Variants in THOP1 observed in about 807,000 individuals in gnomAD.
The protein encoded by THOP1 is thimet oligopeptidase 1, also known as thimet oligopeptidase.
A neutral mutation model predicts 71.8 loss-of-function variants in THOP1; 49 were observed. The observed-to-expected ratio is 0.68, with a 90% CI of 0.54 to 0.87. The LOEUF is 0.87. Among genes scored for constraint, THOP1 ranks in the 40% least tolerant of loss-of-function variants. THOP1 has a pLI of 0.00. For missense variants in THOP1, 843 were observed against 975.6 expected (o/e 0.86, Z 1.81); for synonymous variants, 426 against 421.5 (o/e 1.01, Z -0.13).
intron 2 of THOP1, among the ~76,000 whole-genome samples, chr19:2,793,578 T>C (rs943106579): frequency 6.6e-6 from 1 of 152,062 alleles, no homozygotes; most frequent in African/African-American, 2.4e-5. Context: ...TAATCCCAGC[T>C]ACTCGGGAGG....
chr19:2,811,178 C>T (rs900699616), intron 11 of THOP1, among the ~76,000 whole-genome samples: 5 of 152,316 alleles, frequency 3.3e-5, no homozygotes, highest in African/African-American at 9.6e-5. Flanking sequence ...CACACGCTTG[C>T]GAGGATCCAG....
At position 2,813,184 on chromosome 19, in the gene THOP1, C is replaced by T. The variant is rs150576351; in HGVS notation, c.1978C>T (p.Arg660Cys). 23 of 1,612,290 alleles carry T rather than the reference C, an allele frequency of 1.4e-5. No homozygotes were observed. The highest frequency in any genetic ancestry group is 1.9e-5 in the Non-Finnish European group (23 of 1,179,742). Residue 660 changes from arginine to cysteine, a missense_variant, in exon 13 of 13, where the codon CGC becomes TGC. Arg to Cys is a radical substitution (Grantham distance 180, BLOSUM62 -3). Transcript: ENST00000307741. Reference sequence around the variant, plus strand: ...CGAGGATGCCAGCGCCATGCTGAGGCGCTTCCTGGGCCGTGACCCCAAGCA... The same window carrying T: ...CGAGGATGCCAGCGCCATGCTGAGGTGCTTCCTGGGCCGTGACCCCAAGCA... ...GSEDASAMLR[R>C]FLGRDPKQDA...
At chr19:2,807,981 C>G (rs1916352244) in intron 8 of THOP1, 173 bp downstream of exon 8, 2 of 861,204 alleles carry the variant, frequency 2.3e-6, no homozygotes, top group Non-Finnish European at 3.4e-6. Flanking sequence ...TGCAGCTGTC[C>G]CCGTTTCCAG....
At position 2,794,811 on chromosome 19, in the gene THOP1, G is replaced by A. The variant is rs760491954; in HGVS notation, c.277G>A (p.Asp93Asn). 8.1e-6 allele frequency: 13 copies of A among 1,613,828 alleles called. No individual in the cohort carries two copies. The highest frequency in any genetic ancestry group is 2.2e-5 in the East Asian group (1 of 44,896). Reference sequence around the variant, plus strand: ...CCCCCAGCATGTTTCCCCCTCCAAGGACATCCGGACAGCCAGCACAGAGGC... The same window carrying A: ...CCCCCAGCATGTTTCCCCCTCCAAGAACATCCGGACAGCCAGCACAGAGGC... ...DFPQHVSPSK[D>N]IRTASTEADK... The change falls in exon 3 of 13, where the codon GAC becomes AAC. Residue 93 changes from aspartate to asparagine, a missense_variant. Physicochemically the swap from Asp to Asn is conservative, Grantham distance 23. Transcript: ENST00000307741.
At position 2,791,152 on chromosome 19, in the gene THOP1, T is replaced by A. The variant is rs921656968; in HGVS notation, c.229+519T>A. 3.3e-5 allele frequency among the ~76,000 whole-genome samples: 5 copies of A among 152,282 alleles called. No homozygotes were observed. In the South Asian group the frequency reaches 1.0e-3, roughly 32 times the overall value. On this transcript the variant is annotated intron_variant, in intron 2 of 12. Transcript: ENST00000307741. ...ATGTCCTCGGGCGTCCTCCTCACCCTCAGCCCGATCCTCCTCCTCTCCTTG... is the reference window on the plus strand; with the variant it reads ...ATGTCCTCGGGCGTCCTCCTCACCCACAGCCCGATCCTCCTCCTCTCCTTG...
intron 5 of THOP1, among the ~76,000 whole-genome samples, chr19:2,803,101 G>A (rs182449055): frequency 4.6e-5 from 7 of 152,310 alleles, no homozygotes; most frequent in East Asian, 1.9e-4. Flanking sequence ...TCGCAGGCTC[G>A]TCCCATGCTC....
intron 5 of THOP1, among the ~76,000 whole-genome samples, chr19:2,802,552 C>G: frequency 7.0e-6 from 1 of 143,546 alleles, no homozygotes; most frequent in Non-Finnish European, 1.5e-5. Flanking sequence ...CCTCCCGACA[C>G]CAACACCTTC....
At position 2,790,487 on chromosome 19, in the gene THOP1, T is replaced by C; in HGVS notation, c.83T>C (p.Leu28Pro). The C allele has an allele frequency of 6.2e-7, 1 of 1,605,816 alleles. No homozygotes were observed. The highest frequency in any genetic ancestry group is 1.3e-5 in the African/African-American group (1 of 74,782). ...CSVVNDLRWD[L>P]SAQQIEERTR... Reference sequence around the variant, plus strand: ...GTGGTAAACGACCTGCGGTGGGACCTGAGTGCCCAGCAGATAGAGGAGCGC... The same window carrying C: ...GTGGTAAACGACCTGCGGTGGGACCCGAGTGCCCAGCAGATAGAGGAGCGC... The change falls in exon 2 of 13, where the codon CTG becomes CCG. Residue 28 changes from leucine to proline, a missense_variant. Coordinates refer to ENST00000307741, the MANE Select transcript of THOP1 (RefSeq NM_003249.5).
rs544429896 is a variant in THOP1, at chr19:2,798,491, G to A, written c.487-1198G>A. ...GGAAAAGGTGCGAGGTCCGGATGCT[G>A]GCGAGCAGAGTTCCAGCGCGTCCCC... is the stretch of plus-strand genomic sequence containing the variant. On this transcript the variant is annotated intron_variant, in intron 4 of 12. Transcript: ENST00000307741. Among the ~76,000 whole-genome samples the A allele has an allele frequency of 1.9e-4, 29 of 152,336 alleles. No individual in the cohort carries two copies. In the East Asian group the frequency reaches 5.4e-3, roughly 28 times the overall value.
intron 2 of THOP1, among the ~76,000 whole-genome samples, chr19:2,791,378 T>G (rs1024238423): frequency 2.6e-5 from 4 of 151,054 alleles, no homozygotes; most frequent in African/African-American, 4.9e-5. Flanking sequence ...CGAGAATCCT[T>G]GAGTTCAAGC....
At chr19:2,803,989 G>A (rs1010177326) in intron 5 of THOP1, among the ~76,000 whole-genome samples, 3 of 151,890 alleles carry the variant, frequency 2.0e-5, no homozygotes, top group African/African-American at 7.3e-5. Flanking sequence ...TGGGGTCGGC[G>A]TGAGCTCCCG....
Position 2,810,402 on chromosome 19 carries a change from G to A in THOP1, c.1554G>A (p.Leu518=). ...LENWVWEQEP[L]LRMSRHYRTG... ...ACTGGGTGTGGGAGCAGGAGCCGCT[G>A]CTGCGGATGTCGCGGCACTACCGCA... Residue 518 remains leucine (L), a synonymous_variant, in exon 10 of 13, where the codon CTG becomes CTA. Coordinates refer to ENST00000307741, the MANE Select transcript of THOP1 (RefSeq NM_003249.5). 3 of 1,610,192 alleles carry A rather than the reference G, an allele frequency of 1.9e-6. No homozygotes were observed. The highest frequency in any genetic ancestry group is 1.7e-6 in the Non-Finnish European group (2 of 1,179,496).
At chr19:2,803,209 G>A (rs1916200145) in intron 5 of THOP1, among the ~76,000 whole-genome samples, 2 of 152,204 alleles carry the variant, frequency 1.3e-5, no homozygotes, top group Admixed American at 6.5e-5. Context: ...CCACTGCCAG[G>A]GAGCAGCATT....
rs558395026 is a variant in THOP1 at position 2,791,299 on chromosome 19, G to A, written c.229+666G>A. On this transcript the variant is annotated intron_variant, in intron 2 of 12. Transcript: ENST00000307741. Reference sequence around the variant, plus strand: ...TGACCAAGAGACCCAGAGAGTCTCCGCAGAGAGCTCTGAGTGAGGCAACTC... The same window carrying A: ...TGACCAAGAGACCCAGAGAGTCTCCACAGAGAGCTCTGAGTGAGGCAACTC... Among the ~76,000 whole-genome samples, 14 of 152,328 alleles carry A rather than the reference G, an allele frequency of 9.2e-5. No homozygotes were observed. In the East Asian group the frequency reaches 2.1e-3, roughly 23 times the overall value.
intron 3 of THOP1, among the ~76,000 whole-genome samples, chr19:2,795,160 A>G (rs2144762978): frequency 6.6e-6 from 1 of 151,614 alleles, no homozygotes; most frequent in African/African-American, 2.4e-5. Context: ...GGGTTTTGCC[A>G]TGTTGGTCAG....
In THOP1 at chr19:2,807,201, C is replaced by T. The variant is rs563998001; in HGVS notation, c.886+149C>T. 10 of 1,274,908 alleles carry T rather than the reference C, an allele frequency of 7.8e-6. No homozygotes were observed. The African/African-American group carries it at 1.2e-4, about 15-fold the overall frequency. The allele number at this position is 1,274,908 out of a possible 1,614,324, so 79.0% of individuals were successfully genotyped here. The stretch of plus-strand genomic sequence containing the variant: ...CCTGCCCTGGCTCCCTCACTCCCCC[C>T]GAGGGACCCTTACAGAACAGGGAAG... On this transcript the variant is annotated intron_variant, in intron 7 of 12. Transcript: ENST00000307741.
chr19:2,795,203 G>A (rs570787471), intron 3 of THOP1, among the ~76,000 whole-genome samples: 2 of 152,158 alleles, frequency 1.3e-5, no homozygotes, highest in Non-Finnish European at 2.9e-5. Flanking sequence ...CAGGTGATCC[G>A]CCCGCCTTGG....
chr19:2,806,066 G>C lies in THOP1; in HGVS notation c.751-851G>C, dbSNP rs527768702. 1,125 of 152,444 alleles carry C rather than the reference G, an allele frequency of 7.4e-3. 7 individuals carry two copies. The highest frequency in any genetic ancestry group is 0.014 in the Middle Eastern group (4 of 294). 9.4% of individuals were successfully genotyped at this position (152,444 alleles called of 1,614,324 possible). On this transcript the variant is annotated intron_variant, in intron 6 of 12. Coordinates refer to ENST00000307741, the MANE Select transcript of THOP1 (RefSeq NM_003249.5). ...GCAAGGCAGGGGGGTGCTCCTCGCT[G>C]TTCAGGGACCGGGAACTCAGTCTGC... is the stretch of plus-strand genomic sequence containing the variant.
intron 2 of THOP1, among the ~76,000 whole-genome samples, chr19:2,792,390 C>G (rs1915904874): frequency 6.6e-6 from 1 of 151,856 alleles, no homozygotes; most frequent in Non-Finnish European, 1.5e-5. Flanking sequence ...GTCTAGAACT[C>G]CTGAGCTCAA....
Sources: gnomAD v4.1 joint callset for allele counts (sites outside exome capture counted in the v4.1 genomes callset) on GRCh38, gnomAD v4.1.1 for gene constraint, MANE v1.5 for transcripts, NCBI Gene and HGNC (gene_info 2026-07-23, HGNC 2026-07-21) for gene names.